Variants in DSCAM observed in about 807,000 individuals in gnomAD.
DSCAM encodes cell adhesion molecule DSCAM.
A neutral mutation model predicts 217.7 loss-of-function variants in DSCAM; 47 were observed. The ratio of observed to expected loss-of-function variants is 0.22; its 90% CI spans 0.17 to 0.28. The LOEUF (loss-of-function observed/expected upper bound fraction) is 0.28, where lower values mean the gene tolerates loss of function less well. Ranked by LOEUF, DSCAM falls within the 10% of genes least tolerant of loss-of-function variation. DSCAM has a pLI of 1.00. For missense variants in DSCAM, 2,080 were observed against 2,618.3 expected, an observed-to-expected ratio of 0.79 and a Z score of 4.49; for synonymous variants, 1,056 against 1,015.3, an observed-to-expected ratio of 1.04 and a Z score of -0.76.
chr21:40,634,163 A>T (rs1253952488), intron 3 of DSCAM, among the ~76,000 whole-genome samples: 1 of 152,230 alleles, frequency 6.6e-6, no homozygotes, highest in African/African-American at 2.4e-5. Context: ...ATGGAGGAGT[A>T]AAAGCACAAG....
intron 3 of DSCAM, among the ~76,000 whole-genome samples, chr21:40,637,138 AAT>A (rs1292037385): frequency 2.9e-5 from 1 of 35,078 alleles, no homozygotes; most frequent in Non-Finnish European, 5.2e-5. Flanking sequence ...TAAATATATA[AAT>A]ATATATATAA....
At chr21:40,819,217 T>G (rs1569052620) in intron 1 of DSCAM, among the ~76,000 whole-genome samples, 1 of 152,046 alleles carries the variant, frequency 6.6e-6, no homozygotes, top group Non-Finnish European at 1.5e-5. Flanking sequence ...ATTAATGGAG[T>G]CCAAAAGGCA....
At chr21:40,118,770 G>C (rs2090001196) in intron 20 of DSCAM, among the ~76,000 whole-genome samples, 1 of 152,212 alleles carries the variant, frequency 6.6e-6, no homozygotes, top group African/African-American at 2.4e-5. Context: ...GTATGTTTGA[G>C]TGACACCCAG....
At chr21:40,603,742 A>G (rs1055597592) in intron 3 of DSCAM, among the ~76,000 whole-genome samples, 2 of 152,014 alleles carry the variant, frequency 1.3e-5, no homozygotes, top group Non-Finnish European at 2.9e-5. Flanking sequence ...TTGTTGTTCA[A>G]TACTGTACAT....
chr21:40,171,038 C>A (rs2090651382), intron 15 of DSCAM, among the ~76,000 whole-genome samples: 1 of 152,180 alleles, frequency 6.6e-6, no homozygotes, highest in South Asian at 2.1e-4. Context: ...ATAATGTAAT[C>A]ATGAATTGGG....
Position 40,711,848 on chromosome 21 carries a change from G to C in DSCAM, c.44-3077C>G, listed in dbSNP as rs545754839. The stretch of plus-strand genomic sequence containing the variant: ...CTCATTCTGCCTTCCTCACACCCTT[G>C]CTGATGTCTCTCTTGAGAATACACT... On this transcript the variant is annotated intron_variant, in intron 1 of 32. Coordinates refer to ENST00000400454, the MANE Select transcript of DSCAM (RefSeq NM_001389.5). 1.1e-4 allele frequency among the ~76,000 whole-genome samples: 16 copies of C among 151,178 alleles called. No individual in the cohort carries two copies. The East Asian group carries it at 3.2e-3, about 30-fold the overall frequency.
At chr21:40,466,537 T>A (rs917376235) in intron 3 of DSCAM, among the ~76,000 whole-genome samples, 2 of 152,210 alleles carry the variant, frequency 1.3e-5, no homozygotes, top group African/African-American at 4.8e-5. Flanking sequence ...AGTCCATTTT[T>A]AAAAATAGTT....
At chr21:40,157,325 T>C (rs1156930030) in intron 16 of DSCAM, among the ~76,000 whole-genome samples, 1 of 152,128 alleles carries the variant, frequency 6.6e-6, no homozygotes, top group Non-Finnish European at 1.5e-5. Context: ...TGCAGACTCG[T>C]ACAGGACAGT....
intron 3 of DSCAM, among the ~76,000 whole-genome samples, chr21:40,458,034 T>G (rs967613515): frequency 3.3e-5 from 5 of 152,160 alleles, no homozygotes; most frequent in Non-Finnish European, 5.9e-5. Flanking sequence ...AAGTGAAACC[T>G]ACAAGAATTT....
At chr21:40,487,777 C>A (rs1164519591) in intron 3 of DSCAM, among the ~76,000 whole-genome samples, 2 of 152,098 alleles carry the variant, frequency 1.3e-5, no homozygotes, top group Non-Finnish European at 2.9e-5. Context: ...AGGGTGAGGG[C>A]TGTTTCCAGG....
At chr21:40,824,115 A>T in intron 1 of DSCAM, among the ~76,000 whole-genome samples, 1 of 152,074 alleles carries the variant, frequency 6.6e-6, no homozygotes, top group East Asian at 1.9e-4. Flanking sequence ...GATCATCCCC[A>T]TTGGGCTCCC....
At chr21:40,573,428 C>G (rs970117982) in intron 3 of DSCAM, among the ~76,000 whole-genome samples, 1 of 152,006 alleles carries the variant, frequency 6.6e-6, no homozygotes. Flanking sequence ...TGTTTCTAAA[C>G]AGATGATGAC....
chr21:40,627,519 C>G (rs190428989), intron 3 of DSCAM, among the ~76,000 whole-genome samples: 1 of 152,124 alleles, frequency 6.6e-6, no homozygotes, highest in Non-Finnish European at 1.5e-5. Flanking sequence ...TCAATTACAG[C>G]GAGTACATGT....
chr21:40,669,588 ATATT>A (rs1229169280), intron 3 of DSCAM, among the ~76,000 whole-genome samples: 6,112 of 22,190 alleles, frequency 0.28, 354 homozygotes, highest in Middle Eastern at 0.36. Flanking sequence ...GTTGTTATAT[ATATT>A]TTTTTTTTTT....
intron 3 of DSCAM, among the ~76,000 whole-genome samples, chr21:40,605,346 T>C (rs549016190): frequency 3.3e-5 from 5 of 152,290 alleles, no homozygotes; most frequent in Admixed American, 2.6e-4. Context: ...CTCTGATGAA[T>C]CCAGAAAAGT....
Position 40,834,412 on chromosome 21 carries a change from TAATAATAATAATAA to T in DSCAM, c.43+12193_43+12206del, listed in dbSNP as rs1220066175. On this transcript the variant is annotated intron_variant, in intron 1 of 32. Transcript: ENST00000400454. Reference sequence around the variant, plus strand: ...ACAGAGTGAGACTCTGTCTCCAAAATAATAATAATAATAAAATAATAATAATAATAATAATAATA... The same window carrying T: ...ACAGAGTGAGACTCTGTCTCCAAAATAATAATAATAATAATAATAATAATA... 5.7e-4 allele frequency among the ~76,000 whole-genome samples: 69 copies of T among 122,104 alleles called. 1 individual carries two copies. The highest frequency in any genetic ancestry group is 7.5e-4 in the Non-Finnish European group (45 of 60,332). 80.1% of individuals were successfully genotyped at this position (122,104 alleles called of 152,430 possible).
chr21:40,549,013 G>C (rs1053037516), intron 3 of DSCAM, among the ~76,000 whole-genome samples: 1 of 152,152 alleles, frequency 6.6e-6, no homozygotes, highest in Admixed American at 6.5e-5. Context: ...AGACCAGCCT[G>C]AGCAACATGG....
intron 4 of DSCAM, among the ~76,000 whole-genome samples, chr21:40,361,875 T>C (rs538539249): frequency 6.6e-6 from 1 of 152,296 alleles, no homozygotes; most frequent in African/African-American, 2.4e-5. Flanking sequence ...GTTACATCTC[T>C]TGAGTGTTTC....
intron 11 of DSCAM, among the ~76,000 whole-genome samples, chr21:40,248,714 G>C (rs181543368): frequency 9.4e-4 from 143 of 152,258 alleles, no homozygotes; most frequent in African/African-American, 3.2e-3. Context: ...CAGTTCCAAA[G>C]TTGCTTCCAT....
Sources: allele counts gnomAD v4.1 joint callset (sites outside exome capture counted in the v4.1 genomes callset), GRCh38; gene constraint gnomAD v4.1.1; transcripts MANE v1.5; gene names NCBI Gene and HGNC (gene_info 2026-07-23, HGNC 2026-07-21).